FBXO34: variants seen among roughly 807,000 people sequenced by gnomAD.
FBXO34 encodes the protein F-box only protein 34.
Under a neutral mutation model 24.5 loss-of-function variants are expected in FBXO34, and 12 were observed. The observed-to-expected ratio is 0.49, with a 90% CI of 0.31 to 0.79. The LOEUF is 0.79. Ranked by LOEUF, FBXO34 falls within the 30% of genes least tolerant of loss-of-function variation. The pLI is 0.04. For synonymous variants in FBXO34, 320 were observed against 311.9 expected, an observed-to-expected ratio of 1.03 and a Z score of -0.27; for missense variants, 823 against 857.7, an observed-to-expected ratio of 0.96 and a Z score of 0.51.
At chr14:55,393,107 C>A in the FBXO34 span, among the ~76,000 whole-genome samples, 56 of 152,116 alleles carry the variant, frequency 3.7e-4, no homozygotes, top group Non-Finnish European at 5.4e-4. Flanking sequence ...TATGACTGGG[C>A]GCGGTGGCTC....
At chr14:55,304,691 G>A (rs1250750393) in intron 1 of FBXO34, among the ~76,000 whole-genome samples, 4 of 151,970 alleles carry the variant, frequency 2.6e-5, no homozygotes, top group African/African-American at 4.8e-5. Flanking sequence ...GTAGAGATGA[G>A]GTCTTGCTGT....
At chr14:55,411,981 G>A in the FBXO34 span, 2 of 661,564 alleles carry the variant, frequency 3.0e-6, no homozygotes, top group Non-Finnish European at 5.1e-6. Context: ...TTGTTTTTCC[G>A]GTCTGCTGAG....
chr14:55,357,503 T>C (rs922500486), downstream of FBXO34, among the ~76,000 whole-genome samples: 2 of 152,196 alleles, frequency 1.3e-5, no homozygotes, highest in African/African-American at 4.8e-5. Context: ...TTCCTTTACA[T>C]ACTGGTACTG....
chr14:55,373,806 A>C (rs1023019909), downstream of FBXO34, among the ~76,000 whole-genome samples: 7 of 64,042 alleles, frequency 1.1e-4, no homozygotes, highest in Non-Finnish European at 2.0e-4. Context: ...ATTTGTTTCA[A>C]AAAAAAAAAA....
the FBXO34 span, chr14:55,378,125 A>G: frequency 2.6e-6 from 4 of 1,516,418 alleles, no homozygotes; most frequent in African/African-American, 5.5e-5. Flanking sequence ...AGGAAATTCT[A>G]TGTTAAAATT....
chr14:55,274,867 C>T (rs1423924300), intron 1 of FBXO34, among the ~76,000 whole-genome samples: 1 of 152,138 alleles, frequency 6.6e-6, no homozygotes, highest in Admixed American at 6.5e-5. Flanking sequence ...GAACCAGATA[C>T]TTGAGGGAAG....
chr14:55,357,070 A>G (rs1359983560), downstream of FBXO34, among the ~76,000 whole-genome samples: 1 of 152,228 alleles, frequency 6.6e-6, no homozygotes, highest in African/African-American at 2.4e-5. Context: ...CAACTGACAT[A>G]CATGTCATTT....
At chr14:55,429,434 G>A in the FBXO34 span, among the ~76,000 whole-genome samples, 10 of 152,260 alleles carry the variant, frequency 6.6e-5, no homozygotes, top group African/African-American at 2.2e-4. Context: ...TGCAGTTTGG[G>A]AACCATTCAT....
the FBXO34 span, among the ~76,000 whole-genome samples, chr14:55,413,328 C>T: frequency 1.3e-5 from 2 of 152,168 alleles, no homozygotes; most frequent in African/African-American, 2.4e-5. Context: ...TAATTCCTAT[C>T]GTGCTAGATG....
the FBXO34 span, among the ~76,000 whole-genome samples, chr14:55,428,337 G>T: frequency 6.6e-6 from 1 of 151,856 alleles, no homozygotes; most frequent in African/African-American, 2.4e-5. Flanking sequence ...CACCGTGTTA[G>T]CCAGGATGGT....
chr14:55,428,050 C>G, the FBXO34 span, among the ~76,000 whole-genome samples: 1 of 148,836 alleles, frequency 6.7e-6, no homozygotes, highest in African/African-American at 2.5e-5. Context: ...CATCTTCTCC[C>G]CAATCCATTC....
the FBXO34 span, among the ~76,000 whole-genome samples, chr14:55,408,331 TGTA>T: frequency 5.9e-5 from 9 of 152,122 alleles, no homozygotes; most frequent in Non-Finnish European, 1.0e-4. Context: ...GATGTGCGCC[TGTA>T]GTCCCAGATA....
At position 55,361,474 on chromosome 14, in the gene FBXO34, G is replaced by A. The variant is rs144897957; in HGVS notation, c.*589-259G>A. Among the ~76,000 whole-genome samples, 91 of 152,262 alleles carry A rather than the reference G, an allele frequency of 6.0e-4. 2 individuals are homozygous for A. The East Asian group carries it at 0.017, about 28-fold the overall frequency. On this transcript the variant is annotated intron_variant and NMD_transcript_variant, in intron 3 of 3. Coordinates refer to the FBXO34 transcript ENST00000555280. The stretch of plus-strand genomic sequence containing the variant: ...TTAACAGGCCTAGGATTTTTGGAAT[G>A]GTAAATGAACACTGGCTTCAACTGA...
chr14:55,285,702 C>T (rs1881738641), intron 1 of FBXO34: 1 of 152,212 alleles, frequency 6.6e-6, no homozygotes, highest in Non-Finnish European at 1.5e-5. Flanking sequence ...ATTTGTTGGT[C>T]TACTTAAATA....
chr14:55,428,712 T>A, the FBXO34 span: 1 of 1,293,912 alleles, frequency 7.7e-7, no homozygotes, highest in Non-Finnish European at 1.1e-6. Flanking sequence ...TTTTTTTTAA[T>A]CACAATTTCT....
At chr14:55,416,927 A>C in the FBXO34 span, among the ~76,000 whole-genome samples, 1 of 152,226 alleles carries the variant, frequency 6.6e-6, no homozygotes, top group Non-Finnish European at 1.5e-5. Flanking sequence ...CTTTTATATT[A>C]AAAAATCCTA....
chr14:55,362,900 G>A (rs1204378015), downstream of FBXO34, among the ~76,000 whole-genome samples: 11 of 151,918 alleles, frequency 7.2e-5, no homozygotes, highest in East Asian at 9.6e-4. Flanking sequence ...CTCAAAATCC[G>A]GGTGTCTTCT....
the FBXO34 span, chr14:55,395,075 T>C: frequency 2.0e-5 from 10 of 503,738 alleles, no homozygotes; most frequent in Non-Finnish European, 3.2e-5. Context: ...CTTTTCCCTT[T>C]TGTTTGCACT....
At chr14:55,440,503 C>A in the FBXO34 span, 5 of 1,611,806 alleles carry the variant, frequency 3.1e-6, no homozygotes, top group Non-Finnish European at 4.2e-6. Flanking sequence ...AAGCGCGGAG[C>A]GAGCAGCCTC....
Sources: gnomAD v4.1 joint callset for allele counts (sites outside exome capture counted in the v4.1 genomes callset) on GRCh38, gnomAD v4.1.1 for gene constraint, MANE v1.5 for transcripts, NCBI Gene and HGNC (gene_info 2026-07-23, HGNC 2026-07-21) for gene names.